ITSN1: variants seen among roughly 807,000 people sequenced by gnomAD.
ITSN1 encodes the protein intersectin 1.
Under a neutral mutation model 239.8 loss-of-function variants are expected in ITSN1, and 58 were observed. The ratio of observed to expected loss-of-function variants is 0.24; its 90% CI spans 0.20 to 0.30. ITSN1 has a LOEUF of 0.30. ITSN1 is among the 10% of genes least tolerant of loss of function. ITSN1 has a pLI of 1.00. For missense variants in ITSN1, 1,558 were observed against 2,103.3 expected, an observed-to-expected ratio of 0.74 and a Z score of 5.07; for synonymous variants, 780 against 770.8, an observed-to-expected ratio of 1.01 and a Z score of -0.20.
chr21:33,790,846 ATTTG>A (rs911500741), intron 16 of ITSN1, among the ~76,000 whole-genome samples: 27 of 152,234 alleles, frequency 1.8e-4, no homozygotes, highest in African/African-American at 6.0e-4. Flanking sequence ...ATGGCACTAG[ATTTG>A]TTTGTCACTT....
At chr21:33,706,219 A>G (rs1167237775) in intron 1 of ITSN1, among the ~76,000 whole-genome samples, 1 of 152,040 alleles carries the variant, frequency 6.6e-6, no homozygotes, top group African/African-American at 2.4e-5. Flanking sequence ...GGGTTTCGCC[A>G]TGTTGGCCAG....
intron 30 of ITSN1, among the ~76,000 whole-genome samples, chr21:33,858,326 C>T (rs1019369493): frequency 5.9e-5 from 9 of 152,224 alleles, no homozygotes; most frequent in East Asian, 1.9e-4. Context: ...CTTTAAGCCC[C>T]GCTTTTCACA....
chr21:33,778,863 C>T (rs1325222411), intron 14 of ITSN1, among the ~76,000 whole-genome samples: 5 of 141,246 alleles, frequency 3.5e-5, no homozygotes, highest in Non-Finnish European at 4.4e-5. Context: ...CAGGCGTGAG[C>T]CACCGCGCCC....
At chr21:33,866,488 C>T (rs938101351) in intron 32 of ITSN1, among the ~76,000 whole-genome samples, 1 of 96,544 alleles carries the variant, frequency 1.0e-5, no homozygotes, top group African/African-American at 2.7e-5. Context: ...CATTGTCCCT[C>T]CCCGCCCCTC....
chr21:33,787,472 C>G (rs1162369910), intron 16 of ITSN1, among the ~76,000 whole-genome samples: 1 of 152,170 alleles, frequency 6.6e-6, no homozygotes, highest in East Asian at 1.9e-4. Context: ...GCTACCTGTT[C>G]TAAAAATTGC....
chr21:33,794,501 A>C, intron 17 of ITSN1, 33 bp downstream of exon 17: 2 of 1,583,764 alleles, frequency 1.3e-6, no homozygotes, highest in Non-Finnish European at 1.7e-6. Flanking sequence ...ACTCATCTGG[A>C]AGGAACTTTG....
intron 29 of ITSN1, among the ~76,000 whole-genome samples, chr21:33,849,539 C>T (rs2075091715): frequency 6.9e-6 from 1 of 145,792 alleles, no homozygotes; most frequent in African/African-American, 2.5e-5. Flanking sequence ...GCACTCTAGC[C>T]TGGGCAACAG....
rs1424003276 is a variant in ITSN1 at position 33,892,222 on chromosome 21, C to G, written c.*3922C>G. Reference sequence around the variant, plus strand: ...TAAAAGAGCTTTAGCTCACACCAGGCAGAAGCATAACCAGTAGCCCCAGAA... The same window carrying G: ...TAAAAGAGCTTTAGCTCACACCAGGGAGAAGCATAACCAGTAGCCCCAGAA... On this transcript the variant is annotated 3_prime_UTR_variant, in exon 40 of 40. Coordinates refer to ENST00000381318, the MANE Select transcript of ITSN1 (RefSeq NM_003024.3). 6.6e-6 allele frequency: 1 copy of G among 152,232 alleles called. No individual in the cohort carries two copies. Among genetic ancestry groups the G allele is most frequent in the East Asian group, 1.9e-4 (1 of 5,200 alleles). 9.4% of individuals were successfully genotyped at this position (152,232 alleles called of 1,614,324 possible).
chr21:33,828,574 A>G (rs879262), intron 26 of ITSN1, among the ~76,000 whole-genome samples: 4,172 of 152,312 alleles, frequency 0.027, 136 homozygotes, highest in African/African-American at 0.08. Context: ...TCTCGTCAGA[A>G]CATGAGACCT....
intron 1 of ITSN1, among the ~76,000 whole-genome samples, chr21:33,662,694 G>A (rs1353815255): frequency 1.3e-5 from 2 of 152,126 alleles, no homozygotes; most frequent in African/African-American, 4.8e-5. Context: ...TTGGAGTTGT[G>A]CTCAGCTCAT....
intron 24 of ITSN1, among the ~76,000 whole-genome samples, chr21:33,819,996 TAAAATA>T (rs757027558): frequency 5.9e-5 from 9 of 151,948 alleles, no homozygotes; most frequent in Non-Finnish European, 1.0e-4. Context: ...CTCAAAAAAA[TAAAATA>T]AAATAAAATA....
Position 33,700,665 on chromosome 21 carries a change from G to A in ITSN1, c.-32-18132G>A, listed in dbSNP as rs545594318. On this transcript the variant is annotated intron_variant, in intron 1 of 39. Transcript: ENST00000381318. ...ATGCTTTGGTTGTGACTCCAGCAGCGCGGGTTGGTGGCATCTTACACTGAA... is the reference window on the plus strand; with the variant it reads ...ATGCTTTGGTTGTGACTCCAGCAGCACGGGTTGGTGGCATCTTACACTGAA... 4.6e-5 allele frequency among the ~76,000 whole-genome samples: 7 copies of A among 152,166 alleles called. No homozygotes were observed. The East Asian group carries it at 1.2e-3, about 25-fold the overall frequency.
intron 1 of ITSN1, among the ~76,000 whole-genome samples, chr21:33,680,588 C>T (rs2090889551): frequency 6.6e-6 from 1 of 152,192 alleles, no homozygotes; most frequent in Admixed American, 6.5e-5. Context: ...ACCTCAGCCT[C>T]CCAAAGTGCT....
chr21:33,888,631 T>TA lies in ITSN1; in HGVS notation c.*332dup. 5.2e-6 allele frequency: 1 copy of TA among 192,592 alleles called. No homozygotes were observed. The highest frequency in any genetic ancestry group is 1.1e-5 in the Non-Finnish European group (1 of 94,852). The allele number at this position is 192,592 out of a possible 1,614,324, so 11.9% of individuals were successfully genotyped here. On this transcript the variant is annotated 3_prime_UTR_variant, in exon 40 of 40. Coordinates refer to ENST00000381318, the MANE Select transcript of ITSN1 (RefSeq NM_003024.3). ...CCCGGGCTTGAGGGATGGGTCTGGTTACTATAAAATAGATTTATAAATGCA... is the reference window on the plus strand; with the variant it reads ...CCCGGGCTTGAGGGATGGGTCTGGTTAACTATAAAATAGATTTATAAATGCA...
chr21:33,885,603 G>T (rs1440716965), intron 38 of ITSN1, 81 bp downstream of exon 38: 9 of 1,018,610 alleles, frequency 8.8e-6, no homozygotes, highest in Non-Finnish European at 1.4e-5. Context: ...CCTGGCTCTA[G>T]ATCAAATGTG....
At chr21:33,743,468 A>G (rs1569076353) in intron 5 of ITSN1, among the ~76,000 whole-genome samples, 1 of 152,244 alleles carries the variant, frequency 6.6e-6, no homozygotes, top group Non-Finnish European at 1.5e-5. Context: ...TAGGTCTCCT[A>G]AATAAATAAA....
intron 1 of ITSN1, among the ~76,000 whole-genome samples, chr21:33,686,480 C>T (rs2091242672): frequency 6.6e-6 from 1 of 152,092 alleles, no homozygotes; most frequent in Non-Finnish European, 1.5e-5. Context: ...AGTGATGAGT[C>T]TGGCTGGGTG....
chr21:33,690,138 C>T (rs1242950105), intron 1 of ITSN1, among the ~76,000 whole-genome samples: 1 of 150,650 alleles, frequency 6.6e-6, no homozygotes, highest in Non-Finnish European at 1.5e-5. Flanking sequence ...ACTAGCCTGG[C>T]GTGGTGGTGC....
intron 16 of ITSN1, among the ~76,000 whole-genome samples, chr21:33,782,638 T>C (rs2147900156): frequency 6.6e-6 from 1 of 152,288 alleles, no homozygotes; most frequent in South Asian, 2.1e-4. Context: ...ATTGGGAAAA[T>C]GCCAAAACTC....
Sources: allele counts gnomAD v4.1 joint callset (sites outside exome capture counted in the v4.1 genomes callset), GRCh38; gene constraint gnomAD v4.1.1; transcripts MANE v1.5; gene names NCBI Gene and HGNC (gene_info 2026-07-23, HGNC 2026-07-21).